Variants in QNG1 observed in about 807,000 individuals in gnomAD.
QNG1 encodes the protein queuosine 5'-phosphate N-glycosylase/hydrolase.
At chr9:83,955,263 C>A in the QNG1 span, 1 of 1,031,700 alleles carries the variant, frequency 9.7e-7, no homozygotes, top group Non-Finnish European at 1.4e-6. Flanking sequence ...TTGTTAGTTT[C>A]TTCCACAAGG....
At chr9:83,938,682 A>AAC in the QNG1 span, 1 of 151,846 alleles carries the variant, frequency 6.6e-6, no homozygotes, top group African/African-American at 2.4e-5. Flanking sequence ...GGGAAAAAAA[A>AAC]AAAACATAAG....
At chr9:83,956,332 G>A in the QNG1 span, 28 of 1,613,546 alleles carry the variant, frequency 1.7e-5, no homozygotes, top group Non-Finnish European at 2.3e-5. Flanking sequence ...GCCGCCCTGG[G>A]GTTCAGCTCA....
chr9:83,947,499 A>G, the QNG1 span, among the ~76,000 whole-genome samples: 1 of 152,226 alleles, frequency 6.6e-6, no homozygotes, highest in South Asian at 2.1e-4. Context: ...TACATTTAAG[A>G]AAGTCAGAAT....
At chr9:83,944,654 T>C in the QNG1 span, 16 of 611,316 alleles carry the variant, frequency 2.6e-5, no homozygotes, top group African/African-American at 5.8e-5. Flanking sequence ...CTACATTTTG[T>C]CTTTGCATTT....
the QNG1 span, among the ~76,000 whole-genome samples, chr9:83,942,398 T>C: frequency 3.3e-5 from 5 of 152,208 alleles, no homozygotes; most frequent in African/African-American, 1.2e-4. Flanking sequence ...GGCCAAGTAC[T>C]ACGTCTTTGG....
At chr9:83,941,971 T>C in the QNG1 span, among the ~76,000 whole-genome samples, 7 of 150,554 alleles carry the variant, frequency 4.6e-5, no homozygotes, top group Non-Finnish European at 1.0e-4. Context: ...AAGGCCATGA[T>C]TGGTGTGATG....
At chr9:83,948,241 C>T in the QNG1 span, among the ~76,000 whole-genome samples, 184 of 151,428 alleles carry the variant, frequency 1.2e-3, no homozygotes, top group African/African-American at 4.1e-3. Context: ...TCTGGCCGGC[C>T]GCCCCGTCTG....
the QNG1 span, chr9:83,939,575 G>T: frequency 2.5e-6 from 4 of 1,614,004 alleles, 1 homozygote; most frequent in Admixed American, 6.7e-5. Context: ...ATGGTCATGG[G>T]CATAGTCCCA....
the QNG1 span, among the ~76,000 whole-genome samples, chr9:83,946,600 A>G: frequency 6.6e-6 from 1 of 152,212 alleles, no homozygotes; most frequent in Admixed American, 6.5e-5. Flanking sequence ...TAACTAAAAA[A>G]TTCTAGCTAA....
the QNG1 span, among the ~76,000 whole-genome samples, chr9:83,947,316 C>G: frequency 6.6e-6 from 1 of 152,052 alleles, no homozygotes; most frequent in South Asian, 2.1e-4. Flanking sequence ...AGGAAAGGCT[C>G]TATATAAAAA....
At chr9:83,949,037 TCG>T in the QNG1 span, among the ~76,000 whole-genome samples, 1 of 149,244 alleles carries the variant, frequency 6.7e-6, no homozygotes, top group African/African-American at 2.5e-5. Context: ...TCCACTATTG[TCG>T]ATGACCCTGC....
the QNG1 span, among the ~76,000 whole-genome samples, chr9:83,941,227 C>G: frequency 1.3e-5 from 2 of 152,140 alleles, no homozygotes; most frequent in Non-Finnish European, 2.9e-5. Flanking sequence ...TAATTTGTTA[C>G]ACAGCAATAG....
At chr9:83,939,498 T>A in the QNG1 span, 101 of 1,574,886 alleles carry the variant, frequency 6.4e-5, no homozygotes, top group South Asian at 1.4e-4. Context: ...TTTGGATCAG[T>A]TTACACTTGA....
the QNG1 span, chr9:83,956,590 A>T: frequency 9.1e-7 from 1 of 1,104,096 alleles, no homozygotes. Flanking sequence ...GAACCGCGCG[A>T]TCACAGGGCC....
chr9:83,944,172 TAGC>T, the QNG1 span, among the ~76,000 whole-genome samples: 1 of 152,192 alleles, frequency 6.6e-6, no homozygotes, highest in African/African-American at 2.4e-5. Context: ...AAGAAAAAAG[TAGC>T]AGAAAATTTT....
At chr9:83,949,623 G>A in the QNG1 span, among the ~76,000 whole-genome samples, 1 of 151,852 alleles carries the variant, frequency 6.6e-6, no homozygotes, top group Non-Finnish European at 1.5e-5. Flanking sequence ...TCCAGCCTCG[G>A]CAACAAGAAT....
chr9:83,943,531 C>G, the QNG1 span, among the ~76,000 whole-genome samples: 3 of 151,966 alleles, frequency 2.0e-5, no homozygotes, highest in Non-Finnish European at 2.9e-5. Flanking sequence ...TTGACATGGG[C>G]ATGATGACAA....
the QNG1 span, among the ~76,000 whole-genome samples, chr9:83,949,602 C>A: frequency 6.6e-6 from 1 of 152,024 alleles, no homozygotes; most frequent in African/African-American, 2.4e-5. Context: ...GCCGAGTTCA[C>A]GCCATTGCAC....
the QNG1 span, chr9:83,956,782 C>T: frequency 6.3e-5 from 23 of 362,440 alleles, no homozygotes; most frequent in African/African-American, 4.8e-4. Flanking sequence ...GGCGCGCTCT[C>T]AGGCTCCGCT....
Sources: allele counts gnomAD v4.1 joint callset (sites outside exome capture counted in the v4.1 genomes callset), GRCh38; gene constraint gnomAD v4.1.1; transcripts MANE v1.5; gene names NCBI Gene and HGNC (gene_info 2026-07-23, HGNC 2026-07-21).